Variants in DLGAP2 observed in about 807,000 individuals in gnomAD.
The protein encoded by DLGAP2 is DLG associated protein 2, also known as disks large-associated protein 2.
Under a neutral mutation model 100.3 loss-of-function variants are expected in DLGAP2, and 26 were observed. The ratio of observed to expected loss-of-function variants is 0.26; its 90% CI spans 0.19 to 0.36. The LOEUF (loss-of-function observed/expected upper bound fraction) is 0.36. Ranked by LOEUF, DLGAP2 falls within the 10% of genes least tolerant of loss-of-function variation. The probability of loss-of-function intolerance (pLI) is 1.00; values close to 1 mark genes in which losing one functional copy is unlikely to be tolerated. For missense variants in DLGAP2, 1,858 were observed against 1,453.2 expected (o/e 1.28, Z -4.53); for synonymous variants, 886 against 630.1 (o/e 1.41, Z -6.08).
intron 8 of DLGAP2, among the ~76,000 whole-genome samples, chr8:1,639,952 C>T (rs570380699): frequency 2.0e-5 from 3 of 152,234 alleles, no homozygotes; most frequent in Non-Finnish European, 4.4e-5. Context: ...AATTTACTCA[C>T]ATCTGCAAAG....
At chr8:1,527,077 A>G (rs1335763365) in intron 4 of DLGAP2, among the ~76,000 whole-genome samples, 2 of 151,460 alleles carry the variant, frequency 1.3e-5, no homozygotes, top group African/African-American at 2.4e-5. Context: ...AGCGGGTGCC[A>G]TCACAAGCCC....
chr8:1,283,940 C>G lies in DLGAP2; in HGVS notation c.106+25057C>G, dbSNP rs564521340. ...ACGTGGAAAATGCTAGAGCGTCCAT[C>G]TGTAGCTAAAGTAACGTTCAAAGTG... On this transcript the variant is annotated intron_variant, in intron 3 of 14. Transcript: ENST00000637795. Among the ~76,000 whole-genome samples, 15 of 152,362 alleles carry G rather than the reference C, an allele frequency of 9.8e-5. 1 individual carries two copies. In the South Asian group the frequency reaches 1.4e-3, roughly 15 times the overall value.
At chr8:1,170,797 G>C (rs1797112878) in intron 2 of DLGAP2, among the ~76,000 whole-genome samples, 1 of 147,096 alleles carries the variant, frequency 6.8e-6, no homozygotes, top group Non-Finnish European at 1.5e-5. Flanking sequence ...AGTCTTGCTA[G>C]CGGTCTATCA....
intron 2 of DLGAP2, among the ~76,000 whole-genome samples, chr8:990,049 T>A (rs1800611720): frequency 6.6e-6 from 1 of 152,062 alleles, no homozygotes; most frequent in African/African-American, 2.4e-5. Context: ...GATGGCTTCA[T>A]TACAGATCAC....
chr8:1,635,561 T>C (rs1231844519), intron 8 of DLGAP2, among the ~76,000 whole-genome samples: 1 of 152,226 alleles, frequency 6.6e-6, no homozygotes, highest in Non-Finnish European at 1.5e-5. Context: ...TTTTCTTTTA[T>C]GATTTTCTGT....
intron 2 of DLGAP2, among the ~76,000 whole-genome samples, chr8:1,102,992 T>A (rs1804635872): frequency 6.6e-6 from 1 of 151,328 alleles, no homozygotes; most frequent in African/African-American, 2.4e-5. Context: ...GGGGTCTTCG[T>A]GAGTCTGTGG....
chr8:1,412,773 A>G (rs1232800940), intron 3 of DLGAP2, among the ~76,000 whole-genome samples: 1 of 152,218 alleles, frequency 6.6e-6, no homozygotes, highest in African/African-American at 2.4e-5. Flanking sequence ...TGTGATGGCC[A>G]TTCTGACTCT....
chr8:1,310,904 T>C lies in DLGAP2; in HGVS notation c.106+52021T>C, dbSNP rs7838938. 7.9e-3 allele frequency among the ~76,000 whole-genome samples: 1,209 copies of C among 152,130 alleles called. 15 individuals are homozygous for C. Among genetic ancestry groups the C allele is most frequent in the African/African-American group, 0.028 (1,177 of 41,478 alleles). ...GGAAATTTGACAATGGGTCAAAGAA[T>C]CAGAAGAAAGCTATCAGACAGAATT... On this transcript the variant is annotated intron_variant, in intron 3 of 14. Transcript: ENST00000637795.
At chr8:1,391,217 T>A (rs974340446) in intron 3 of DLGAP2, among the ~76,000 whole-genome samples, 3 of 152,184 alleles carry the variant, frequency 2.0e-5, no homozygotes, top group African/African-American at 7.2e-5. Context: ...TTGTGCAGGA[T>A]GTTGAATCCA....
At chr8:1,559,729 T>C (rs1353370361) in intron 5 of DLGAP2, among the ~76,000 whole-genome samples, 4 of 152,266 alleles carry the variant, frequency 2.6e-5, no homozygotes, top group African/African-American at 7.2e-5. Flanking sequence ...TGCTCTTCCA[T>C]CTGCCACCAG....
intron 3 of DLGAP2, among the ~76,000 whole-genome samples, chr8:1,446,700 A>T (rs1026709270): frequency 6.6e-6 from 1 of 152,150 alleles, no homozygotes; most frequent in Non-Finnish European, 1.5e-5. Context: ...CCATTTTCAC[A>T]ATATTGATTC....
intron 2 of DLGAP2, among the ~76,000 whole-genome samples, chr8:942,995 G>A (rs550776325): frequency 6.6e-6 from 1 of 152,332 alleles, no homozygotes; most frequent in South Asian, 2.1e-4. Flanking sequence ...GAGCCTGGGA[G>A]TTCGGGGTTG....
intron 2 of DLGAP2, among the ~76,000 whole-genome samples, chr8:1,214,235 G>A (rs73670678): frequency 0.075 from 11,348 of 152,142 alleles, 682 homozygotes; most frequent in African/African-American, 0.16. Flanking sequence ...CCCCTCCTCA[G>A]CAAGTCCTCT....
intron 3 of DLGAP2, among the ~76,000 whole-genome samples, chr8:1,434,287 G>T (rs1032843668): frequency 6.6e-6 from 1 of 152,120 alleles, no homozygotes; most frequent in Non-Finnish European, 1.5e-5. Flanking sequence ...TGCAGAGATG[G>T]GGTCCTTGAG....
chr8:924,745 G>A (rs1400471335), intron 2 of DLGAP2, among the ~76,000 whole-genome samples: 2 of 151,882 alleles, frequency 1.3e-5, no homozygotes, highest in Non-Finnish European at 1.5e-5. Flanking sequence ...ACCATGCCTG[G>A]CTATTTTTTT....
intron 3 of DLGAP2, among the ~76,000 whole-genome samples, chr8:1,424,347 G>A (rs149197859): frequency 2.0e-5 from 3 of 152,192 alleles, no homozygotes; most frequent in Non-Finnish European, 4.4e-5. Flanking sequence ...TATGAGCCAA[G>A]CCCCTTGTTA....
At chr8:1,436,226 G>A (rs755348792) in intron 3 of DLGAP2, among the ~76,000 whole-genome samples, 31 of 152,220 alleles carry the variant, frequency 2.0e-4, no homozygotes, top group Non-Finnish European at 2.9e-4. Context: ...AGCCGGCAGT[G>A]CAGCCTTCAG....
rs139523868 is a variant in DLGAP2, at chr8:1,260,402, T to C, written c.106+1519T>C. ...ACATTGCATCTTGCTCTTCGTCTAC[T>C]TGTTTCTAATAACAAATGTCTGCCT... On this transcript the variant is annotated intron_variant, in intron 3 of 14. Transcript: ENST00000637795. 1.5e-3 allele frequency among the ~76,000 whole-genome samples: 229 copies of C among 152,308 alleles called. 1 individual carries two copies. Among genetic ancestry groups the C allele is most frequent in the Non-Finnish European group, 2.7e-3 (183 of 68,018 alleles).
rs758736772 is a variant in DLGAP2, at chr8:1,701,415, G to A, written c.*9G>A. The A allele has an allele frequency of 6.3e-6, 10 of 1,575,330 alleles. No homozygotes were observed. Among genetic ancestry groups the A allele is most frequent in the South Asian group, 4.6e-5 (4 of 86,386 alleles). The stretch of plus-strand genomic sequence containing the variant: ...CCCAGACCCGGCTCTGAGGGCGGAG[G>A]CCGGCGCCTTCCCCTCGTCGCTTCC... On this transcript the variant is annotated 3_prime_UTR_variant, in exon 15 of 15. Transcript: ENST00000637795.
Sources: gnomAD v4.1 joint callset for allele counts (sites outside exome capture counted in the v4.1 genomes callset) on GRCh38, gnomAD v4.1.1 for gene constraint, MANE v1.5 for transcripts, NCBI Gene and HGNC (gene_info 2026-07-23, HGNC 2026-07-21) for gene names.